VPS52: variants seen among roughly 807,000 people sequenced by gnomAD.
The protein encoded by VPS52 is VPS52 subunit of GARP complex.
A neutral mutation model predicts 98.7 loss-of-function variants in VPS52; 56 were observed. The ratio of observed to expected loss-of-function variants is 0.57; its 90% CI spans 0.46 to 0.71. The LOEUF (loss-of-function observed/expected upper bound fraction) is 0.71. Among genes scored for constraint, VPS52 ranks in the 30% least tolerant of loss-of-function variants. The pLI, the probability that VPS52 is intolerant of heterozygous loss-of-function variation, is 0.00. For missense variants in VPS52, 742 were observed against 925.9 expected, an observed-to-expected ratio of 0.80 and a Z score of 2.58; for synonymous variants, 348 against 346.4, an observed-to-expected ratio of 1.00 and a Z score of -0.05.
chr6:33,268,168 T>C lies in VPS52; in HGVS notation c.740A>G (p.Tyr247Cys). 6.2e-7 allele frequency: 1 copy of C among 1,613,100 alleles called. No homozygotes were observed. The highest frequency in any genetic ancestry group is 8.5e-7 in the Non-Finnish European group (1 of 1,180,032). The stretch of plus-strand genomic sequence containing the variant: ...GTTGGTCATGGGTTTCCTGAAGGAA[T>C]AAATCTTCTGGAGGATAAACTCTCG... ...KIREFILQKI[Y>C]SFRKPMTNYQ... is the part of the protein sequence containing the mutation. Residue 247 changes from tyrosine (Y) to cysteine (C), a missense_variant, in exon 8 of 20, where the codon TAT becomes TGT. Coordinates refer to ENST00000445902, the MANE Select transcript of VPS52 (RefSeq NM_022553.6). The surrounding 1 kb of genome is among the most constrained non-coding windows in gnomAD (Gnocchi z 4.0).
At chr6:33,264,518 AGAGGTC>A in intron 13 of VPS52, 21 bp from the exon 14 acceptor site, 1 of 1,613,670 alleles carries the variant, frequency 6.2e-7, no homozygotes, top group South Asian at 1.1e-5. Flanking sequence ...AATCAGAATC[AGAGGTC>A]AGCCAGCAAG....
chr6:33,271,229 A>G (rs1765021157), intron 1 of VPS52: 1 of 602,544 alleles, frequency 1.7e-6, no homozygotes, highest in Admixed American at 2.9e-5. Context: ...AGGTGTGAGA[A>G]ATGATGGCAC....
rs1481851966 is a variant in VPS52 at position 33,268,090 on chromosome 6, C to T, written c.800+18G>A. On this transcript the variant is annotated intron_variant, in intron 8 of 19. Transcript: ENST00000445902. This position sits in a 1 kb window ranked among gnomAD's most constrained non-coding sequence, Gnocchi z 4.0. ...AAAAACTCAAAGGCCATCCCATGCA[C>T]TTCCTTGGGGTTGTGACCTGTACTT... 6.2e-7 allele frequency: 1 copy of T among 1,612,948 alleles called. No individual in the cohort carries two copies. Among genetic ancestry groups the T allele is most frequent in the Non-Finnish European group, 8.5e-7 (1 of 1,180,000 alleles).
chr6:33,261,338 G>C (rs1345475278), intron 17 of VPS52, among the ~76,000 whole-genome samples: 1 of 151,574 alleles, frequency 6.6e-6, no homozygotes, highest in African/African-American at 2.4e-5. Flanking sequence ...GTGGTGGCAG[G>C]CATCAGTAAT....
Position 33,267,047 on chromosome 6 carries a change from A to G in VPS52, c.1125+141T>C. ...CTCTTTTCACATCACAGCAGGCTGG[A>G]GTGATTGGAGAAGGCCACTCCCAAG... On this transcript the variant is annotated intron_variant, in intron 11 of 19. Coordinates refer to ENST00000445902, the MANE Select transcript of VPS52 (RefSeq NM_022553.6). The surrounding 1 kb of genome is among the most constrained non-coding windows in gnomAD (Gnocchi z 4.2). The G allele has an allele frequency of 8.3e-7, 1 of 1,206,486 alleles. No homozygotes were observed. Among genetic ancestry groups the G allele is most frequent in the Non-Finnish European group, 1.1e-6 (1 of 896,558 alleles). The allele number at this position is 1,206,486 out of a possible 1,614,324, so 74.7% of individuals were successfully genotyped here.
Position 33,263,533 on chromosome 6 carries a change from T to C in VPS52, c.1745A>G (p.Asp582Gly). The C allele has an allele frequency of 1.2e-6, 2 of 1,614,106 alleles. No individual in the cohort carries two copies. Among genetic ancestry groups the C allele is most frequent in the Non-Finnish European group, 1.7e-6 (2 of 1,180,012 alleles). Residue 582 changes from aspartate (D) to glycine (G), a missense_variant, in exon 17 of 20, where the codon GAC (aspartate) becomes GGC (glycine). Around this residue, in one of 2 missense-constraint regions of VPS52, gnomAD observed 590 missense variants for 793.3 expected, o/e 0.74. Coordinates refer to ENST00000445902, the MANE Select transcript of VPS52 (RefSeq NM_022553.6). ...LGVLMERAADDSKEVESFQQL... is the reference protein window; with the variant it reads ...LGVLMERAADGSKEVESFQQL... Reference sequence around the variant, plus strand: ...CTGGAAGCTCTCAACCTCTTTGCTGTCATCTGCAGCCCGCTCCTAAGGGAA... The same window carrying C: ...CTGGAAGCTCTCAACCTCTTTGCTGCCATCTGCAGCCCGCTCCTAAGGGAA...
Position 33,264,480 on chromosome 6 carries a change from A to C in VPS52, c.1418T>G (p.Leu473Arg), listed in dbSNP as rs748677935. ...PALDRYWEQV[L>R]ALLWPRFELI... ...TTCAAACCGTGGCCATAGCAAGGCAAGCACCTGTTCCCAGTACCTGTGGGC... is the reference window on the plus strand; with the variant it reads ...TTCAAACCGTGGCCATAGCAAGGCACGCACCTGTTCCCAGTACCTGTGGGC... Residue 473 changes from leucine to arginine, a missense_variant, in exon 14 of 20, where the codon CTT (leucine) becomes CGT (arginine). Coordinates refer to ENST00000445902, the MANE Select transcript of VPS52 (RefSeq NM_022553.6). 3.1e-6 allele frequency: 5 copies of C among 1,614,198 alleles called. No homozygotes were observed. In the South Asian group the frequency reaches 5.5e-5, roughly 18 times the overall value.
chr6:33,263,549 C>G lies in VPS52; in HGVS notation c.1729G>C (p.Glu577Gln). Residue 577 changes from glutamate (E) to glutamine (Q), a missense_variant and splice_region_variant, in exon 17 of 20, where the codon GAG (glutamate) becomes CAG (glutamine). By Grantham distance (29) the Glu-to-Gln change is conservative. Around this residue, in one of 2 missense-constraint regions of VPS52, gnomAD observed 590 missense variants for 793.3 expected, o/e 0.74. Transcript: ENST00000445902. ...NYDMMLGVLM[E>Q]RAADDSKEVE... is the part of the protein sequence containing the mutation. Reference sequence around the variant, plus strand: ...TCTTTGCTGTCATCTGCAGCCCGCTCCTAAGGGAAGACAAAGGGAAATGTC... The same window carrying G: ...TCTTTGCTGTCATCTGCAGCCCGCTGCTAAGGGAAGACAAAGGGAAATGTC... 3 of 1,614,128 alleles carry G rather than the reference C, an allele frequency of 1.9e-6. No individual in the cohort carries two copies. Among genetic ancestry groups the G allele is most frequent in the African/African-American group, 1.3e-5 (1 of 75,022 alleles).
At position 33,269,985 on chromosome 6, in the gene VPS52, G is replaced by A. The variant is rs754278574; in HGVS notation, c.228+14C>T. On this transcript the variant is annotated intron_variant, in intron 3 of 19. Transcript: ENST00000445902. Reference sequence around the variant, plus strand: ...ATAGATAGAAGGGCAGATTAGTACAGGGGAAAGCCTCACCGTTTTAAGAGC... The same window carrying A: ...ATAGATAGAAGGGCAGATTAGTACAAGGGAAAGCCTCACCGTTTTAAGAGC... 3.1e-6 allele frequency: 5 copies of A among 1,614,012 alleles called. No individual in the cohort carries two copies. The highest frequency in any genetic ancestry group is 4.2e-6 in the Non-Finnish European group (5 of 1,180,044).
rs1283522709 is a variant in VPS52 at position 33,265,045 on chromosome 6, C to T, written c.1282-145G>A. 12 of 766,912 alleles carry T rather than the reference C, an allele frequency of 1.6e-5. No individual in the cohort carries two copies. In the East Asian group the frequency reaches 2.7e-4, roughly 17 times the overall value. The allele number at this position is 766,912 out of a possible 1,614,324, so 47.5% of individuals were successfully genotyped here. ...AGACGTAAAATGGAACTGCCCCCTG[C>T]TTTCCTGTCCAGGATCTATGTTTTT... is the stretch of plus-strand genomic sequence containing the variant. On this transcript the variant is annotated intron_variant, in intron 12 of 19. Coordinates refer to ENST00000445902, the MANE Select transcript of VPS52 (RefSeq NM_022553.6).
rs746225554 is a variant in VPS52 at position 33,269,476 on chromosome 6, T to C, written c.372+14A>G. 6.2e-7 allele frequency: 1 copy of C among 1,613,112 alleles called. No homozygotes were observed. Among genetic ancestry groups the C allele is most frequent in the Admixed American group, 1.7e-5 (1 of 60,000 alleles). On this transcript the variant is annotated intron_variant, in intron 5 of 19. Coordinates refer to ENST00000445902, the MANE Select transcript of VPS52 (RefSeq NM_022553.6). ...CAGAGTAGCTATTAGGGGTCACAGG[T>C]CATGATTACTAACCTCCAGGACAGC...
At chr6:33,256,463 CAAAAAAAAAAAAAAAAAAAAAAAAAAA>C (rs9280385) in intron 17 of VPS52, among the ~76,000 whole-genome samples, 61 of 83,728 alleles carry the variant, frequency 7.3e-4, no homozygotes, top group Non-Finnish European at 7.6e-4. Flanking sequence ...AAACCTGTCT[CAAAAAAAAAAAAAAAAAAAAAAAAAAA>C]AAAAAAAAAA....
chr6:33,271,050 C>T (rs1354855903), intron 1 of VPS52: 1 of 224,538 alleles, frequency 4.5e-6, no homozygotes, highest in Non-Finnish European at 8.9e-6. Context: ...AAATTTAAGA[C>T]CCTCAGACTC....
chr6:33,268,703 AACCAG>A lies in VPS52; in HGVS notation c.549-59_549-55del. On this transcript the variant is annotated intron_variant, in intron 6 of 19. Transcript: ENST00000445902. This position sits in a 1 kb window ranked among gnomAD's most constrained non-coding sequence, Gnocchi z 4.0. ...TACAAGGGAGACCCAGACATCCCTA[AACCAG>A]ACCCAGACCACACTCCTTACCTCCA... 1 of 1,541,682 alleles carries A rather than the reference AACCAG, an allele frequency of 6.5e-7. No homozygotes were observed. The highest frequency in any genetic ancestry group is 8.7e-7 in the Non-Finnish European group (1 of 1,149,348).
chr6:33,269,470 C>G lies in VPS52; in HGVS notation c.372+20G>C. ...CTGGTTCAGAGTAGCTATTAGGGGT[C>G]ACAGGTCATGATTACTAACCTCCAG... On this transcript the variant is annotated intron_variant, in intron 5 of 19. Coordinates refer to ENST00000445902, the MANE Select transcript of VPS52 (RefSeq NM_022553.6). 6.2e-7 allele frequency: 1 copy of G among 1,613,000 alleles called. No individual in the cohort carries two copies. The highest frequency in any genetic ancestry group is 1.1e-5 in the South Asian group (1 of 91,076).
chr6:33,270,099 C>T (rs1303511372), intron 2 of VPS52, 48 bp from the exon 3 acceptor site: 1 of 1,613,444 alleles, frequency 6.2e-7, no homozygotes, highest in East Asian at 2.2e-5. Flanking sequence ...AGCTCCCTCT[C>T]CCCACATTGA....
At chr6:33,265,534 G>A (rs1268673409) in intron 12 of VPS52, among the ~76,000 whole-genome samples, 1 of 152,168 alleles carries the variant, frequency 6.6e-6, no homozygotes, top group Non-Finnish European at 1.5e-5. Flanking sequence ...GCCTGGTTAA[G>A]TTTATTTTTA....
intron 19 of VPS52, 32 bp downstream of exon 19, chr6:33,251,486 G>A (rs1762232564): frequency 7.4e-7 from 1 of 1,353,870 alleles, no homozygotes; most frequent in Non-Finnish European, 1.1e-6. Context: ...AATGATGGGG[G>A]ATCTGAGTGG....
At chr6:33,269,685 CCA>C in intron 4 of VPS52, 57 bp downstream of exon 4, 1 of 1,584,928 alleles carries the variant, frequency 6.3e-7, no homozygotes, top group Admixed American at 1.7e-5. Flanking sequence ...GACATCTGTA[CCA>C]CACGCCACAA....
Sources: allele counts gnomAD v4.1 joint callset (sites outside exome capture counted in the v4.1 genomes callset), GRCh38; gene constraint gnomAD v4.1.1; regional missense constraint gnomAD v4.1.1; non-coding constraint Gnocchi (gnomAD v3.1); transcripts MANE v1.5; gene names NCBI Gene and HGNC (gene_info 2026-07-23, HGNC 2026-07-21).